Variants in PLA2G6 observed in about 807,000 individuals in gnomAD.
The protein encoded by PLA2G6 is 85/88 kDa calcium-independent phospholipase A2.
PLA2G6 carries 62 observed loss-of-function variants against 83.8 expected under a neutral mutation model. That is an observed-to-expected ratio of 0.74 (90% CI 0.60 to 0.91). The LOEUF is 0.91. PLA2G6 is among the 40% of genes least tolerant of loss of function. The pLI is 0.00. For missense variants in PLA2G6, 944 were observed against 1,102.0 expected, an observed-to-expected ratio of 0.86 and a Z score of 2.03; for synonymous variants, 417 against 449.8, an observed-to-expected ratio of 0.93 and a Z score of 0.92.
intron 14 of PLA2G6, 36 bp downstream of exon 14, chr22:38,115,491 G>A (rs753021482): frequency 2.5e-6 from 4 of 1,590,532 alleles, no homozygotes; most frequent in Admixed American, 1.7e-5. Context: ...GCTCCAGGGA[G>A]CAGTGGGTCC....
At chr22:38,150,571 C>A (rs776557644) in intron 2 of PLA2G6, 1 of 152,160 alleles carries the variant, frequency 6.6e-6, no homozygotes, top group Non-Finnish European at 1.5e-5. Flanking sequence ...ACAGCAATAA[C>A]TGATAATGAT....
chr22:38,161,281 T>TA (rs1391481205), intron 2 of PLA2G6, among the ~76,000 whole-genome samples: 2 of 152,118 alleles, frequency 1.3e-5, no homozygotes, highest in African/African-American at 4.8e-5. Context: ...TGCTGGCTGA[T>TA]AGAGTTCCTG....
intron 2 of PLA2G6, among the ~76,000 whole-genome samples, chr22:38,166,971 G>A (rs1186011067): frequency 1.3e-5 from 2 of 151,914 alleles, no homozygotes; most frequent in African/African-American, 4.8e-5. Flanking sequence ...CTGTAAAATT[G>A]TAATCCCAGC....
At position 38,111,767 on chromosome 22, in the gene PLA2G6, A is replaced by G; in HGVS notation, c.*394T>C. 1 of 345,392 alleles carries G rather than the reference A, an allele frequency of 2.9e-6. No individual in the cohort carries two copies. Among genetic ancestry groups the G allele is most frequent in the Non-Finnish European group, 5.7e-6 (1 of 176,116 alleles). 21.4% of individuals were successfully genotyped at this position (345,392 alleles called of 1,614,324 possible). On this transcript the variant is annotated 3_prime_UTR_variant, in exon 17 of 17. Transcript: ENST00000332509. The stretch of plus-strand genomic sequence containing the variant: ...GAGGGAGTGGGCTGCACCCACCAGG[A>G]AGCCTGGGAGTGCCCTTGCTGGGGG...
intron 2 of PLA2G6, among the ~76,000 whole-genome samples, chr22:38,166,136 C>T (rs1320165239): frequency 1.3e-5 from 2 of 152,184 alleles, no homozygotes; most frequent in African/African-American, 4.8e-5. Flanking sequence ...GTCTGCAACA[C>T]AGGCAACACT....
chr22:38,115,479 T>C, intron 14 of PLA2G6, 48 bp downstream of exon 14: 1 of 1,567,846 alleles, frequency 6.4e-7, no homozygotes, highest in South Asian at 1.1e-5. Context: ...GACACAGGAT[T>C]GGCTCCAGGG....
At chr22:38,178,381 G>A (rs1344131939) in intron 1 of PLA2G6, among the ~76,000 whole-genome samples, 5 of 152,028 alleles carry the variant, frequency 3.3e-5, no homozygotes, top group African/African-American at 1.2e-4. Flanking sequence ...GACCAGCCTG[G>A]GTAATATAGT....
chr22:38,126,988 T>A, intron 9 of PLA2G6: 1 of 1,070,208 alleles, frequency 9.3e-7, no homozygotes, highest in Non-Finnish European at 1.1e-6. Flanking sequence ...GGTCTGGAAA[T>A]CCCAGTGGCC....
rs11570771 is a variant in PLA2G6, at chr22:38,111,572, G to C, written c.*589C>G. ...TTGGGAAGAAGAAACTCCCAGGAGT[G>C]ACCTTTGAGAGCTGAGGGTTCTCGG... On this transcript the variant is annotated 3_prime_UTR_variant, in exon 17 of 17. Transcript: ENST00000332509. 0.01 allele frequency: 1,699 copies of C among 169,418 alleles called. 17 individuals carry two copies. The highest frequency in any genetic ancestry group is 0.016 in the Non-Finnish European group (1,255 of 77,400). 10.5% of individuals were successfully genotyped at this position (169,418 alleles called of 1,614,324 possible).
At chr22:38,150,693 G>A (rs5750547) in intron 2 of PLA2G6, 58,402 of 152,128 alleles carry the variant, frequency 0.38, 11,494 homozygotes, top group South Asian at 0.48. Context: ...ATAGCAGAGG[G>A]AAAAAAGTTA....
chr22:38,157,424 A>G (rs2089828153), intron 2 of PLA2G6, among the ~76,000 whole-genome samples: 1 of 152,190 alleles, frequency 6.6e-6, no homozygotes, highest in Non-Finnish European at 1.5e-5. Flanking sequence ...TCCAAAACCT[A>G]AATAGACCAA....
rs1189727016 is a variant in PLA2G6 at position 38,145,424 on chromosome 22, G to C, written c.425+14C>G. 2.5e-6 allele frequency: 4 copies of C among 1,592,662 alleles called. No homozygotes were observed. The highest frequency in any genetic ancestry group is 2.3e-5 in the South Asian group (2 of 88,412). On this transcript the variant is annotated intron_variant, in intron 3 of 16. Transcript: ENST00000332509. ...ACACACACGTTGTCCAAATGGTCTT[G>C]TTCCCTTGCTCACCTGATGATACGG... is the stretch of plus-strand genomic sequence containing the variant.
intron 7 of PLA2G6, among the ~76,000 whole-genome samples, chr22:38,129,844 C>T (rs752076777): frequency 1.3e-5 from 2 of 152,216 alleles, no homozygotes; most frequent in Admixed American, 6.5e-5. Flanking sequence ...CTGCCAGCTC[C>T]GCCTCCAAAG....
At chr22:38,125,439 C>A (rs6001013) in intron 10 of PLA2G6, among the ~76,000 whole-genome samples, 1 of 152,154 alleles carries the variant, frequency 6.6e-6, no homozygotes, top group Admixed American at 6.5e-5. Flanking sequence ...GAAGTGAGTG[C>A]GAAGTGAGAG....
chr22:38,114,351 AT>A, intron 14 of PLA2G6, among the ~76,000 whole-genome samples: 1 of 152,046 alleles, frequency 6.6e-6, no homozygotes, highest in South Asian at 2.1e-4. Flanking sequence ...CGCCTGGCTA[AT>A]TTTTTTGTAT....
chr22:38,121,260 C>T (rs1048963691), intron 11 of PLA2G6, among the ~76,000 whole-genome samples: 1 of 152,146 alleles, frequency 6.6e-6, no homozygotes, highest in Admixed American at 6.6e-5. Context: ...CCTGTAGTCC[C>T]AGCTACTCGG....
intron 2 of PLA2G6, among the ~76,000 whole-genome samples, chr22:38,167,330 T>C (rs773636866): frequency 6.6e-5 from 10 of 152,126 alleles, no homozygotes; most frequent in Non-Finnish European, 1.2e-4. Context: ...TAAATCCTCC[T>C]GGGATGGAGG....
chr22:38,125,174 A>G (rs1325205636), intron 10 of PLA2G6, among the ~76,000 whole-genome samples: 2 of 151,778 alleles, frequency 1.3e-5, no homozygotes, highest in East Asian at 1.9e-4. Context: ...GCATGCATGC[A>G]TGTGTATGTG....
chr22:38,116,924 G>A (rs1024207077), intron 12 of PLA2G6, among the ~76,000 whole-genome samples: 3 of 139,954 alleles, frequency 2.1e-5, no homozygotes. Flanking sequence ...AGATTTAGAT[G>A]AAATGGACAC....
Sources: gnomAD v4.1 joint callset for allele counts (sites outside exome capture counted in the v4.1 genomes callset) on GRCh38, gnomAD v4.1.1 for gene constraint, MANE v1.5 for transcripts, NCBI Gene and HGNC (gene_info 2026-07-23, HGNC 2026-07-21) for gene names.